The following LIMD1 variants were observed in gnomAD, a reference collection of about 807,000 sequenced individuals.
The protein encoded by LIMD1 is LIM domain-containing protein 1.
LIMD1 carries 23 observed loss-of-function variants against 58.4 expected under a neutral mutation model. That is an observed-to-expected ratio of 0.39 (90% CI 0.28 to 0.56). The LOEUF (loss-of-function observed/expected upper bound fraction) is 0.56, where lower values mean the gene tolerates loss of function less well. LIMD1 is among the 20% of genes least tolerant of loss of function. The pLI is 0.57. For missense variants in LIMD1, 838 were observed against 855.5 expected (o/e 0.98, Z 0.25); for synonymous variants, 334 against 345.5 (o/e 0.97, Z 0.37).
chr3:45,684,326 C>G lies in LIMD1; in HGVS notation c.*7267C>G, dbSNP rs935481041. On this transcript the variant is annotated 3_prime_UTR_variant, in exon 8 of 8. Transcript: ENST00000273317. The stretch of plus-strand genomic sequence containing the variant: ...CCCATGAGACTTGGTCCACGGCAAG[C>G]CTGTGACGGAGTGAAAGTGAGGGGA... 3.3e-5 allele frequency: 5 copies of G among 152,248 alleles called. No individual in the cohort carries two copies. Among genetic ancestry groups the G allele is most frequent in the African/African-American group, 1.2e-4 (5 of 41,444 alleles). 9.4% of individuals were successfully genotyped at this position (152,248 alleles called of 1,614,324 possible).
intron 6 of LIMD1, 175 bp downstream of exon 6, chr3:45,673,680 C>A: frequency 1.6e-6 from 1 of 630,716 alleles, no homozygotes; most frequent in Non-Finnish European, 2.8e-6. Context: ...TTAGGAGGCC[C>A]AGGCAGGAAA....
At chr3:45,675,129 A>T (rs951442620) in intron 7 of LIMD1, among the ~76,000 whole-genome samples, 1 of 152,312 alleles carries the variant, frequency 6.6e-6, no homozygotes, top group Non-Finnish European at 1.5e-5. Flanking sequence ...AATGGGTGGG[A>T]ATCATTGCTG....
In LIMD1 at chr3:45,602,740, A is replaced by G. The variant is rs116819359; in HGVS notation, c.1408+6453A>G. Reference sequence around the variant, plus strand: ...CTATGTACCTACATGTCCTATTTGCATGACTACAGATGCCCTATCTGCATG... The same window carrying G: ...CTATGTACCTACATGTCCTATTTGCGTGACTACAGATGCCCTATCTGCATG... On this transcript the variant is annotated intron_variant, in intron 1 of 7. Coordinates refer to ENST00000273317, the MANE Select transcript of LIMD1 (RefSeq NM_014240.3). 7.9e-3 allele frequency among the ~76,000 whole-genome samples: 1,196 copies of G among 152,178 alleles called. 14 individuals are homozygous for G. Among genetic ancestry groups the G allele is most frequent in the African/African-American group, 0.027 (1,124 of 41,498 alleles).
intron 1 of LIMD1, among the ~76,000 whole-genome samples, chr3:45,625,758 G>A (rs1009038578): frequency 1.2e-4 from 19 of 152,186 alleles, no homozygotes; most frequent in African/African-American, 3.6e-4. Flanking sequence ...CCATGATGCA[G>A]TAAGAAGGCC....
chr3:45,627,885 G>A (rs1361620904), intron 1 of LIMD1, among the ~76,000 whole-genome samples: 1 of 151,778 alleles, frequency 6.6e-6, no homozygotes, highest in African/African-American at 2.4e-5. Flanking sequence ...TTGCACGCCT[G>A]TAGTCCCAGC....
At chr3:45,623,875 G>A (rs1362091447) in intron 1 of LIMD1, among the ~76,000 whole-genome samples, 2 of 152,182 alleles carry the variant, frequency 1.3e-5, no homozygotes, top group Admixed American at 1.3e-4. Flanking sequence ...GTAGTGTTGG[G>A]CATTCGCACA....
chr3:45,613,612 G>A (rs1575345913), intron 1 of LIMD1, among the ~76,000 whole-genome samples: 1 of 134,388 alleles, frequency 7.4e-6, no homozygotes, highest in African/African-American at 2.7e-5. Flanking sequence ...TGGCTATTAT[G>A]AATAAGTCTG....
chr3:45,674,050 T>G (rs1697633638), intron 6 of LIMD1, among the ~76,000 whole-genome samples: 1 of 152,212 alleles, frequency 6.6e-6, no homozygotes, highest in African/African-American at 2.4e-5. Context: ...GATTAGCAGA[T>G]GAGGAGAAAG....
At chr3:45,638,407 T>C (rs1701810410) in intron 2 of LIMD1, among the ~76,000 whole-genome samples, 1 of 152,222 alleles carries the variant, frequency 6.6e-6, no homozygotes, top group Non-Finnish European at 1.5e-5. Flanking sequence ...ACAGTGAACA[T>C]AGTACCCAGT....
intron 2 of LIMD1, among the ~76,000 whole-genome samples, chr3:45,640,581 C>T (rs993823114): frequency 6.6e-6 from 1 of 152,156 alleles, no homozygotes; most frequent in Non-Finnish European, 1.5e-5. Flanking sequence ...AGGCATGTAC[C>T]ACCAGGCCCG....
intron 1 of LIMD1, among the ~76,000 whole-genome samples, chr3:45,596,488 G>A (rs1701354123): frequency 6.6e-6 from 1 of 152,202 alleles, no homozygotes. Flanking sequence ...GCAGAAAGCG[G>A]ACCTTGCAGC....
Position 45,595,877 on chromosome 3 carries a change from C to A in LIMD1, c.998C>A (p.Pro333His), listed in dbSNP as rs1471102972. 6.2e-7 allele frequency: 1 copy of A among 1,614,098 alleles called. No individual in the cohort carries two copies. Among genetic ancestry groups the A allele is most frequent in the Non-Finnish European group, 8.5e-7 (1 of 1,180,032 alleles). The change falls in exon 1 of 8, where the codon CCC becomes CAC. Residue 333 changes from proline (P) to histidine (H), a missense_variant. Physicochemically the swap from Pro to His is moderately conservative, Grantham distance 77 (BLOSUM62 -2). Around this residue, in one of 3 missense-constraint regions of LIMD1, gnomAD observed 659 missense variants for 639.8 expected, o/e 1.03. Transcript: ENST00000273317. ...SGVMSKPNVD[P>H]QPWFQDGPKS... ...GTGATGTCCAAACCCAATGTGGACC[C>A]CCAACCCTGGTTCCAGGATGGGCCC...
At chr3:45,634,991 A>G (rs1449447753) in intron 1 of LIMD1, 1 of 152,156 alleles carries the variant, frequency 6.6e-6, no homozygotes, top group East Asian at 1.9e-4. Context: ...TCATCCCGGC[A>G]CTTTGGGAGG....
At position 45,649,680 on chromosome 3, in the gene LIMD1, C is replaced by CA. The variant is rs748471672; in HGVS notation, c.1510+13442dup. On this transcript the variant is annotated intron_variant, in intron 2 of 7. Coordinates refer to ENST00000273317, the MANE Select transcript of LIMD1 (RefSeq NM_014240.3). Reference sequence around the variant, plus strand: ...TGGGCAACAGAGTGAGACTCTGTCTCAAAAAAAAAAAAATTATATATATGT... The same window carrying CA: ...TGGGCAACAGAGTGAGACTCTGTCTCAAAAAAAAAAAAAATTATATATATGT... Among the ~76,000 whole-genome samples, 84 of 95,224 alleles carry CA rather than the reference C, an allele frequency of 8.8e-4. 1 individual carries two copies. Among genetic ancestry groups the CA allele is most frequent in the South Asian group, 7.1e-3 (22 of 3,088 alleles). The allele number at this position is 95,224 out of a possible 152,430, so 62.5% of individuals were successfully genotyped here.
At chr3:45,612,070 G>GCTCTCGCT (rs1701530125) in intron 1 of LIMD1, among the ~76,000 whole-genome samples, 1 of 144,842 alleles carries the variant, frequency 6.9e-6, no homozygotes, top group Non-Finnish European at 1.5e-5. Context: ...GCAGGTGCGC[G>GCTCTCGCT]CTCTCTCTCT....
intron 1 of LIMD1, among the ~76,000 whole-genome samples, chr3:45,632,309 A>G (rs568957649): frequency 1.3e-5 from 2 of 152,298 alleles, no homozygotes; most frequent in African/African-American, 4.8e-5. Flanking sequence ...ACATTTTGCC[A>G]TGGCCTGATA....
At chr3:45,639,198 T>C (rs1701817263) in intron 2 of LIMD1, among the ~76,000 whole-genome samples, 1 of 152,206 alleles carries the variant, frequency 6.6e-6, no homozygotes, top group Admixed American at 6.5e-5. Flanking sequence ...GTTTGTTGGC[T>C]GCTTGTATCA....
At chr3:45,652,685 C>G (rs1046374061) in intron 2 of LIMD1, among the ~76,000 whole-genome samples, 1 of 152,212 alleles carries the variant, frequency 6.6e-6, no homozygotes, top group Non-Finnish European at 1.5e-5. Context: ...GGAATAGGCA[C>G]TGTTTCCAGC....
At chr3:45,670,632 T>A (rs896846534) in intron 4 of LIMD1, among the ~76,000 whole-genome samples, 3 of 152,246 alleles carry the variant, frequency 2.0e-5, no homozygotes, top group Non-Finnish European at 4.4e-5. Context: ...CTACCAGTCT[T>A]CTTAAGCCTT....
Sources: gnomAD v4.1 joint callset for allele counts (sites outside exome capture counted in the v4.1 genomes callset) on GRCh38, gnomAD v4.1.1 for gene constraint, gnomAD v4.1.1 regional missense constraint, MANE v1.5 for transcripts, NCBI Gene and HGNC (gene_info 2026-07-23, HGNC 2026-07-21) for gene names.